The following DPP10 variants were observed in gnomAD, a reference collection of about 807,000 sequenced individuals.
The protein encoded by DPP10 is inactive dipeptidyl peptidase 10.
In DPP10, 33 loss-of-function variants were observed where a neutral mutation model predicts 120.9. The observed-to-expected ratio is 0.27, with a 90% CI of 0.21 to 0.37. The LOEUF is 0.37. Among genes scored for constraint, DPP10 ranks in the 10% least tolerant of loss-of-function variants. The pLI is 1.00. For synonymous variants in DPP10, 337 were observed against 326.1 expected, an observed-to-expected ratio of 1.03 and a Z score of -0.36; for missense variants, 816 against 942.8, an observed-to-expected ratio of 0.87 and a Z score of 1.76.
chr2:114,474,173 G>T (rs1225687494), intron 1 of DPP10, among the ~76,000 whole-genome samples: 1 of 152,158 alleles, frequency 6.6e-6, no homozygotes, highest in Non-Finnish European at 1.5e-5. Flanking sequence ...AGACAGTCTG[G>T]TCTCAAACTC....
intron 4 of DPP10, among the ~76,000 whole-genome samples, chr2:115,521,326 T>C (rs574906988): frequency 3.5e-4 from 54 of 152,328 alleles, no homozygotes; most frequent in Admixed American, 5.9e-4. Flanking sequence ...TCTATTACTC[T>C]GTATAAATGA....
At chr2:115,769,418 C>T (rs1681185766) in intron 13 of DPP10, among the ~76,000 whole-genome samples, 1 of 152,142 alleles carries the variant, frequency 6.6e-6, no homozygotes, top group East Asian at 1.9e-4. Context: ...TTTAGAGTCT[C>T]AAAATCTTAT....
intron 7 of DPP10, among the ~76,000 whole-genome samples, chr2:115,707,609 T>A (rs1003864431): frequency 6.6e-6 from 1 of 151,852 alleles, no homozygotes; most frequent in Non-Finnish European, 1.5e-5. Context: ...ATTGCAACAC[T>A]ATTTATAATT....
intron 1 of DPP10, among the ~76,000 whole-genome samples, chr2:114,510,559 C>T (rs893187360): frequency 9.9e-5 from 15 of 152,136 alleles, no homozygotes; most frequent in South Asian, 6.2e-4. Context: ...AGCAAGACTG[C>T]GCCATTGCAC....
intron 5 of DPP10, among the ~76,000 whole-genome samples, chr2:115,583,404 G>T (rs1180285525): frequency 1.3e-5 from 2 of 152,200 alleles, no homozygotes; most frequent in Non-Finnish European, 2.9e-5. Context: ...ATAGTGTTCA[G>T]TTGCAAACGT....
At chr2:115,615,673 T>C (rs1005763527) in intron 5 of DPP10, among the ~76,000 whole-genome samples, 4 of 152,178 alleles carry the variant, frequency 2.6e-5, no homozygotes, top group Non-Finnish European at 4.4e-5. Flanking sequence ...AATTGGTAAG[T>C]CATATCTGTT....
At chr2:115,680,423 G>C (rs1452499772) in intron 5 of DPP10, among the ~76,000 whole-genome samples, 2 of 151,844 alleles carry the variant, frequency 1.3e-5, no homozygotes, top group Non-Finnish European at 2.9e-5. Context: ...CAATTGACCA[G>C]TAAAAGACAA....
In DPP10 at chr2:114,590,164, G is replaced by A. The variant is rs565500551; in HGVS notation, c.60+147326G>A. Among the ~76,000 whole-genome samples the A allele has an allele frequency of 1.1e-4, 17 of 152,002 alleles. No homozygotes were observed. The South Asian group carries it at 3.1e-3, about 28-fold the overall frequency. On this transcript the variant is annotated intron_variant, in intron 1 of 25. Transcript: ENST00000410059. ...CAATTTACAAACACAAATAAAAATAGAATCCTCCTTATTGTAAGTTTTATA... is the reference window on the plus strand; with the variant it reads ...CAATTTACAAACACAAATAAAAATAAAATCCTCCTTATTGTAAGTTTTATA...
intron 3 of DPP10, among the ~76,000 whole-genome samples, chr2:115,460,141 T>C (rs1011398893): frequency 3.9e-5 from 6 of 152,052 alleles, no homozygotes; most frequent in African/African-American, 9.7e-5. Flanking sequence ...AATGTGAGTT[T>C]CAATTTTTAG....
intron 1 of DPP10, among the ~76,000 whole-genome samples, chr2:114,561,259 A>T (rs115165044): frequency 0.013 from 2,024 of 152,282 alleles, 48 homozygotes; most frequent in African/African-American, 0.046. Context: ...TCCATATGAT[A>T]TTGGACAAGG....
chr2:114,751,397 GC>G (rs1488983002), intron 1 of DPP10, among the ~76,000 whole-genome samples: 2 of 152,192 alleles, frequency 1.3e-5, no homozygotes, highest in Non-Finnish European at 2.9e-5. Context: ...TAAATGCTCA[GC>G]GTTCATTTGG....
At chr2:115,768,272 TG>T in intron 12 of DPP10, 24 bp from the exon 13 acceptor site, 1 of 1,604,676 alleles carries the variant, frequency 6.2e-7, no homozygotes, top group Non-Finnish European at 8.5e-7. Flanking sequence ...TTTCTGAGAT[TG>T]TTCTGTGCTC....
chr2:114,717,022 G>A (rs1450641161), intron 1 of DPP10, among the ~76,000 whole-genome samples: 1 of 152,210 alleles, frequency 6.6e-6, no homozygotes, highest in Admixed American at 6.5e-5. Context: ...AGCCAGTGCT[G>A]CCTGTGCCTT....
intron 5 of DPP10, among the ~76,000 whole-genome samples, chr2:115,639,500 G>T (rs1415634669): frequency 6.6e-6 from 1 of 152,166 alleles, no homozygotes; most frequent in Non-Finnish European, 1.5e-5. Context: ...CTGTCCTGGT[G>T]TTATAGGTTG....
chr2:114,692,201 C>G (rs969147497), intron 1 of DPP10, among the ~76,000 whole-genome samples: 4 of 152,026 alleles, frequency 2.6e-5, no homozygotes, highest in Non-Finnish European at 4.4e-5. Flanking sequence ...ATCTTTCTAG[C>G]TTTTTGATGT....
rs774454800 is a variant in DPP10, at chr2:114,600,418, G to A, written c.60+157580G>A. Among the ~76,000 whole-genome samples the A allele has an allele frequency of 4.0e-4, 61 of 151,482 alleles. 1 individual carries two copies. The Middle Eastern group carries it at 0.027, about 68-fold the overall frequency. On this transcript the variant is annotated intron_variant, in intron 1 of 25. Coordinates refer to ENST00000410059, the MANE Select transcript of DPP10 (RefSeq NM_020868.6). ...ATTCATTTGATGAGAATTTCTATTC[G>A]TTCACTCATTATAATATCCATCCTT... is the stretch of plus-strand genomic sequence containing the variant.
intron 3 of DPP10, among the ~76,000 whole-genome samples, chr2:115,385,385 C>T (rs1341505029): frequency 1.4e-4 from 21 of 147,724 alleles, no homozygotes; most frequent in South Asian, 2.1e-4. Flanking sequence ...GACAGAGTTT[C>T]GCTCTTGTCG....
chr2:115,830,882 G>A (rs1688848627), intron 21 of DPP10, among the ~76,000 whole-genome samples: 1 of 152,112 alleles, frequency 6.6e-6, no homozygotes, highest in South Asian at 2.1e-4. Flanking sequence ...ACTTAGGGAG[G>A]TAATTATTTG....
chr2:115,736,832 T>G (rs1007924820), intron 8 of DPP10, among the ~76,000 whole-genome samples: 3 of 152,072 alleles, frequency 2.0e-5, no homozygotes, highest in Admixed American at 2.0e-4. Context: ...TGTCCTAAAT[T>G]TTTCCCCTTT....
Sources: gnomAD v4.1 joint callset for allele counts (sites outside exome capture counted in the v4.1 genomes callset) on GRCh38, gnomAD v4.1.1 for gene constraint, MANE v1.5 for transcripts, NCBI Gene and HGNC (gene_info 2026-07-23, HGNC 2026-07-21) for gene names.